RASEF: variants seen among roughly 807,000 people sequenced by gnomAD.
The protein encoded by RASEF is ras and EF-hand domain-containing protein.
In RASEF, 68 loss-of-function variants were observed where a neutral mutation model predicts 90.1. That is an observed-to-expected ratio of 0.75 (90% CI 0.62 to 0.92). The LOEUF is 0.92. RASEF is among the 40% of genes least tolerant of loss of function. The pLI, the probability that RASEF is intolerant of heterozygous loss-of-function variation, is 0.00. For synonymous variants in RASEF, 331 were observed against 345.2 expected (o/e 0.96, Z 0.46); for missense variants, 949 against 937.2 (o/e 1.01, Z -0.16).
At chr9:83,192,258 A>G in the RASEF span, among the ~76,000 whole-genome samples, 1 of 152,328 alleles carries the variant, frequency 6.6e-6, no homozygotes, top group South Asian at 2.1e-4. Flanking sequence ...ATGCATGTGT[A>G]TATTCACTGC....
At chr9:83,016,387 G>T (rs951198143) in intron 3 of RASEF, among the ~76,000 whole-genome samples, 1 of 151,928 alleles carries the variant, frequency 6.6e-6, no homozygotes, top group Non-Finnish European at 1.5e-5. Flanking sequence ...GGTACTTCTC[G>T]GGGGTGTCCC....
Position 82,990,463 on chromosome 9 carries a change from T to C in RASEF, c.2045A>G (p.Tyr682Cys), listed in dbSNP as rs76215904. ...ACTTGTTTCACAGAATAATGCCCCA[T>C]ACGTCTGTAAAAAAGAAATACACAC... Reference protein sequence around the residue: ...GHFGEKLAMTYGALFCETSAK... With the variant: ...GHFGEKLAMTCGALFCETSAK... The change falls in exon 16 of 17, where the codon TAT (tyrosine) becomes TGT (cysteine). Residue 682 changes from tyrosine (Y) to cysteine (C), a missense_variant. By Grantham distance (194) the Tyr-to-Cys change is radical (BLOSUM62 -2). This residue lies in a region of RASEF where 288 missense variants were observed against 328.4 expected (regional missense o/e 0.88). Coordinates refer to ENST00000376447, the MANE Select transcript of RASEF (RefSeq NM_152573.4). 41 of 1,610,996 alleles carry C rather than the reference T, an allele frequency of 2.5e-5. No individual in the cohort carries two copies. The East Asian group carries it at 8.9e-4, about 35-fold the overall frequency.
chr9:83,005,478 CAT>C lies in RASEF; in HGVS notation c.1049_1050del (p.His350ArgfsTer3), dbSNP rs755447494. On this transcript the variant is annotated frameshift_variant, in exon 8 of 17. Coordinates refer to ENST00000376447, the MANE Select transcript of RASEF (RefSeq NM_152573.4). LOFTEE classifies it high-confidence loss of function. Reference protein sequence around the residue: ...EILQTANRKLHDSNDGLRSAL... With the variant: ...EILQTANRKLXDSNDGLRSAL... Reference sequence around the variant, plus strand: ...GCACTTCTAAGGCCATCATTACTGTCATGTAGCTTCCGGTTAGCTGTTCTGCA... The same window carrying C: ...GCACTTCTAAGGCCATCATTACTGTCGTAGCTTCCGGTTAGCTGTTCTGCA... The C allele has an allele frequency of 1.9e-5, 31 of 1,613,816 alleles. No individual in the cohort carries two copies. The highest frequency in any genetic ancestry group is 2.6e-5 in the Non-Finnish European group (31 of 1,179,874).
chr9:83,199,169 TAAG>T, the RASEF span, among the ~76,000 whole-genome samples: 1 of 147,508 alleles, frequency 6.8e-6, no homozygotes, highest in African/African-American at 2.5e-5. Context: ...AGTTGGAAGT[TAAG>T]AAGGTTACAT....
At chr9:83,199,522 G>A in the RASEF span, among the ~76,000 whole-genome samples, 4 of 152,116 alleles carry the variant, frequency 2.6e-5, no homozygotes, top group Non-Finnish European at 4.4e-5. Context: ...GCATCAGGGA[G>A]TGACACCAAT....
At chr9:83,154,318 T>G in the RASEF span, among the ~76,000 whole-genome samples, 21 of 152,210 alleles carry the variant, frequency 1.4e-4, no homozygotes. Flanking sequence ...GCACCCTCCT[T>G]TGGCCTCTTT....
intron 1 of RASEF, among the ~76,000 whole-genome samples, chr9:83,053,809 A>C (rs1830060057): frequency 7.9e-6 from 1 of 126,964 alleles, no homozygotes; most frequent in Non-Finnish European, 1.6e-5. Flanking sequence ...TATGAAGCTT[A>C]GTTTGGCTGG....
At chr9:83,155,936 A>G in the RASEF span, among the ~76,000 whole-genome samples, 4 of 152,350 alleles carry the variant, frequency 2.6e-5, no homozygotes, top group East Asian at 7.7e-4. Context: ...GCTCTCAGTC[A>G]GCAGACTCAA....
chr9:83,168,138 C>T, the RASEF span, among the ~76,000 whole-genome samples: 3 of 152,074 alleles, frequency 2.0e-5, no homozygotes, highest in African/African-American at 7.2e-5. Context: ...GAATGAGGGT[C>T]CCAATTTCTG....
At chr9:83,187,200 T>C in the RASEF span, among the ~76,000 whole-genome samples, 2 of 152,220 alleles carry the variant, frequency 1.3e-5, no homozygotes, top group Non-Finnish European at 2.9e-5. Flanking sequence ...TTCTGCTTCC[T>C]GACTATCTGG....
At chr9:83,110,620 G>C in the RASEF span, among the ~76,000 whole-genome samples, 1 of 152,118 alleles carries the variant, frequency 6.6e-6, no homozygotes. Context: ...AGTCAGAAGA[G>C]ATAGAGCCAA....
the RASEF span, among the ~76,000 whole-genome samples, chr9:83,115,547 C>T: frequency 6.6e-6 from 1 of 152,180 alleles, no homozygotes; most frequent in East Asian, 1.9e-4. Context: ...GCATTTTCTT[C>T]TCTTCCATTC....
the RASEF span, among the ~76,000 whole-genome samples, chr9:83,160,594 T>A: frequency 6.6e-6 from 1 of 152,074 alleles, no homozygotes; most frequent in Non-Finnish European, 1.5e-5. Context: ...GACAATGCAA[T>A]GGAAAAGAAA....
At chr9:82,995,221 G>T (rs1011747642) in intron 14 of RASEF, among the ~76,000 whole-genome samples, 1 of 152,154 alleles carries the variant, frequency 6.6e-6, no homozygotes, top group African/African-American at 2.4e-5. Flanking sequence ...ATTTCACTGT[G>T]GCTGATCTTG....
chr9:82,997,109 T>C lies in RASEF; in HGVS notation c.1823A>G (p.Lys608Arg), dbSNP rs768389008. The C allele has an allele frequency of 6.2e-7, 1 of 1,607,384 alleles. No individual in the cohort carries two copies. The highest frequency in any genetic ancestry group is 8.5e-7 in the Non-Finnish European group (1 of 1,173,924). Residue 608 changes from lysine to arginine, a missense_variant, in exon 14 of 17, where the codon AAG (lysine) becomes AGG (arginine). By Grantham distance (26) the Lys-to-Arg change is conservative. Coordinates refer to ENST00000376447, the MANE Select transcript of RASEF (RefSeq NM_152573.4). ...ACCATCTGCCTTTCTGAAGTAAGACTTGGCAATACTTCTGAATCTGAGAAA... is the reference window on the plus strand; with the variant it reads ...ACCATCTGCCTTTCTGAAGTAAGACCTGGCAATACTTCTGAATCTGAGAAA... ...AGQERFRSIA[K>R]SYFRKADGVL...
the RASEF span, among the ~76,000 whole-genome samples, chr9:83,199,647 C>T: frequency 3.3e-5 from 5 of 152,328 alleles, no homozygotes; most frequent in Non-Finnish European, 7.3e-5. Flanking sequence ...CAGCAAGAGG[C>T]TGACACTGTA....
rs1564081305 is a variant in RASEF, at chr9:83,025,833, TGAA to T, written c.517_519del (p.Phe173del). 48 of 1,614,116 alleles carry T rather than the reference TGAA, an allele frequency of 3.0e-5. No individual in the cohort carries two copies. Among genetic ancestry groups the T allele is most frequent in the Non-Finnish European group, 3.7e-5 (44 of 1,179,986 alleles). ...GTGCTTTGAAGTCTGATCTCACGGA[TGAA>T]GTTCTTTATAACATGTTCATATGGC... is the stretch of plus-strand genomic sequence containing the variant. On this transcript the variant is annotated inframe_deletion, in exon 2 of 17. Coordinates refer to ENST00000376447, the MANE Select transcript of RASEF (RefSeq NM_152573.4).
intron 6 of RASEF, 140 bp from the exon 7 acceptor site, chr9:83,007,645 G>T: frequency 1.5e-6 from 1 of 658,834 alleles, no homozygotes; most frequent in Non-Finnish European, 2.7e-6. Flanking sequence ...CCGTGCTCCT[G>T]CTCTGGGCCT....
chr9:83,006,681 T>A (rs544065978), intron 7 of RASEF, among the ~76,000 whole-genome samples: 97 of 152,198 alleles, frequency 6.4e-4, no homozygotes, highest in Non-Finnish European at 9.6e-4. Context: ...TGGGTATATT[T>A]CTACTTGGGG....
Sources: gnomAD v4.1 joint callset for allele counts (sites outside exome capture counted in the v4.1 genomes callset) on GRCh38, gnomAD v4.1.1 for gene constraint, gnomAD v4.1.1 regional missense constraint, MANE v1.5 for transcripts, NCBI Gene and HGNC (gene_info 2026-07-23, HGNC 2026-07-21) for gene names.